RANBP9: variants seen among roughly 807,000 people sequenced by gnomAD.
RANBP9 encodes ran-binding protein 9.
A neutral mutation model predicts 84.3 loss-of-function variants in RANBP9; 15 were observed. The observed-to-expected ratio is 0.18, with a 90% CI of 0.12 to 0.27. The LOEUF is 0.27. RANBP9 is among the 10% of genes least tolerant of loss of function. RANBP9 has a pLI of 1.00. For synonymous variants in RANBP9, 392 were observed against 349.6 expected (o/e 1.12, Z -1.35); for missense variants, 809 against 912.8 (o/e 0.89, Z 1.46).
intron 1 of RANBP9, among the ~76,000 whole-genome samples, chr6:13,697,779 G>C (rs2113358993): frequency 6.6e-6 from 1 of 152,312 alleles, no homozygotes. Context: ...TACTCATAGA[G>C]TATGAGTGAG....
chr6:13,664,370 A>G (rs1456042487), intron 2 of RANBP9, among the ~76,000 whole-genome samples: 3 of 152,128 alleles, frequency 2.0e-5, no homozygotes, highest in African/African-American at 7.2e-5. Flanking sequence ...GGCAAAACAT[A>G]TCATGTCTAC....
intron 2 of RANBP9, among the ~76,000 whole-genome samples, chr6:13,695,848 T>G (rs1766431939): frequency 6.6e-6 from 1 of 152,172 alleles, no homozygotes. Flanking sequence ...AGTAATCTAC[T>G]GAATACACTT....
chr6:13,667,310 T>A (rs1765673436), intron 2 of RANBP9, among the ~76,000 whole-genome samples: 2 of 152,320 alleles, frequency 1.3e-5, no homozygotes, highest in Non-Finnish European at 2.9e-5. Context: ...TCTTTTTAAT[T>A]CTTATTTTTG....
Position 13,657,448 on chromosome 6 carries a change from TAC to T in RANBP9, c.737-174_737-173del, listed in dbSNP as rs571310630. Among the ~76,000 whole-genome samples, 482 of 152,274 alleles carry T rather than the reference TAC, an allele frequency of 3.2e-3. 2 individuals carry two copies. Among genetic ancestry groups the T allele is most frequent in the African/African-American group, 0.011 (442 of 41,568 alleles). The stretch of plus-strand genomic sequence containing the variant: ...CTACATAATTTATTCTATATTAAAA[TAC>T]AGTTTACAAATTTAAGAAAAATAGC... On this transcript the variant is annotated intron_variant, in intron 3 of 13. Coordinates refer to ENST00000011619, the MANE Select transcript of RANBP9 (RefSeq NM_005493.3).
intron 2 of RANBP9, 91 bp downstream of exon 2, chr6:13,696,694 T>C (rs1757839133): frequency 1.9e-6 from 2 of 1,072,914 alleles, no homozygotes; most frequent in South Asian, 3.2e-5. Flanking sequence ...TAGCAAAATT[T>C]CCAGGATTCC....
chr6:13,707,813 T>C (rs2113374130), intron 1 of RANBP9, among the ~76,000 whole-genome samples: 1 of 152,390 alleles, frequency 6.6e-6, no homozygotes, highest in Admixed American at 6.5e-5. Context: ...AAGTCCATTG[T>C]CATATTTATT....
chr6:13,681,171 T>C (rs569428495), intron 2 of RANBP9, among the ~76,000 whole-genome samples: 1 of 152,290 alleles, frequency 6.6e-6, no homozygotes, highest in Non-Finnish European at 1.5e-5. Context: ...AAAATAGCCA[T>C]TTTCAAAAGG....
intron 6 of RANBP9, among the ~76,000 whole-genome samples, chr6:13,642,794 T>C (rs1205583666): frequency 2.0e-5 from 3 of 152,328 alleles, no homozygotes; most frequent in Admixed American, 2.0e-4. Flanking sequence ...AAAAGATAAC[T>C]GCAAATGCTA....
chr6:13,692,424 G>A (rs1370815709), intron 2 of RANBP9, among the ~76,000 whole-genome samples: 2 of 150,538 alleles, frequency 1.3e-5, no homozygotes, highest in African/African-American at 4.9e-5. Flanking sequence ...CTACTCGGAA[G>A]GCTGAGGCAG....
intron 8 of RANBP9, 46 bp downstream of exon 8, chr6:13,641,153 T>C (rs776970767): frequency 8.7e-7 from 1 of 1,152,986 alleles, no homozygotes; most frequent in East Asian, 2.9e-5. Flanking sequence ...ACTTGACAAA[T>C]ATTTATAATA....
intron 2 of RANBP9, among the ~76,000 whole-genome samples, chr6:13,666,041 T>C (rs1303448515): frequency 2.0e-5 from 3 of 152,164 alleles, no homozygotes. Flanking sequence ...TGATAGAGGT[T>C]TGTATTTCAT....
chr6:13,654,217 A>ATG (rs1296151128), intron 4 of RANBP9, among the ~76,000 whole-genome samples: 2 of 152,180 alleles, frequency 1.3e-5, no homozygotes, highest in African/African-American at 2.4e-5. Context: ...GCTCAATCAG[A>ATG]CCACGAAAAG....
At chr6:13,672,414 T>C (rs528541002) in intron 2 of RANBP9, among the ~76,000 whole-genome samples, 1 of 152,078 alleles carries the variant, frequency 6.6e-6, no homozygotes, top group South Asian at 2.1e-4. Flanking sequence ...TTACAAGAAA[T>C]AGACTTTTTT....
intron 8 of RANBP9, among the ~76,000 whole-genome samples, chr6:13,640,478 A>G (rs922842788): frequency 2.6e-5 from 4 of 152,226 alleles, no homozygotes; most frequent in African/African-American, 7.2e-5. Context: ...AGAATTATTC[A>G]TAACAGCCAA....
chr6:13,675,613 G>A (rs1765870367), intron 2 of RANBP9, among the ~76,000 whole-genome samples: 1 of 148,370 alleles, frequency 6.7e-6, no homozygotes, highest in Non-Finnish European at 1.5e-5. Flanking sequence ...GAAGAAATGA[G>A]AAATAGAGAT....
At chr6:13,624,250 C>CT (rs1232167271) in intron 13 of RANBP9, among the ~76,000 whole-genome samples, 3 of 152,214 alleles carry the variant, frequency 2.0e-5, no homozygotes, top group African/African-American at 7.2e-5. Context: ...AAGAAACAGA[C>CT]TGAGTCTTAA....
intron 5 of RANBP9, among the ~76,000 whole-genome samples, chr6:13,651,784 G>C (rs1376161047): frequency 6.6e-6 from 1 of 152,062 alleles, no homozygotes; most frequent in Non-Finnish European, 1.5e-5. Flanking sequence ...CAATGTCTTT[G>C]TATTTCACTC....
At chr6:13,690,556 G>A (rs1052199257) in intron 2 of RANBP9, among the ~76,000 whole-genome samples, 1 of 152,172 alleles carries the variant, frequency 6.6e-6, no homozygotes, top group African/African-American at 2.4e-5. Flanking sequence ...ACAGAACAGA[G>A]AGACTGAATT....
intron 1 of RANBP9, among the ~76,000 whole-genome samples, chr6:13,708,819 TCA>T (rs70989879): frequency 0.012 from 1,663 of 140,318 alleles, 23 homozygotes; most frequent in East Asian, 0.074. Context: ...AACGGAAAAC[TCA>T]CACACACACA....
Sources: gnomAD v4.1 joint callset for allele counts (sites outside exome capture counted in the v4.1 genomes callset) on GRCh38, gnomAD v4.1.1 for gene constraint, MANE v1.5 for transcripts, NCBI Gene and HGNC (gene_info 2026-07-23, HGNC 2026-07-21) for gene names.